The following NLRP5 variants were observed in gnomAD, a reference collection of about 807,000 sequenced individuals.
NLRP5 encodes the protein NACHT, LRR and PYD domains-containing protein 5.
NLRP5 carries 93 observed loss-of-function variants against 113.1 expected under a neutral mutation model. The ratio of observed to expected loss-of-function variants is 0.82; its 90% CI spans 0.70 to 0.98. NLRP5 has a LOEUF of 0.98. Among genes scored for constraint, NLRP5 ranks in the 50% least tolerant of loss-of-function variants. The pLI is 0.00. For synonymous variants in NLRP5, 751 were observed against 600.7 expected (o/e 1.25, Z -3.66); for missense variants, 1,808 against 1,514.3 (o/e 1.19, Z -3.22).
chr19:55,994,967 C>T (rs936101511), upstream of NLRP5, among the ~76,000 whole-genome samples: 1 of 152,094 alleles, frequency 6.6e-6, no homozygotes, highest in Non-Finnish European at 1.5e-5. Flanking sequence ...ATATGGTTAT[C>T]CCGTTTTCGC....
At chr19:56,042,408 A>G (rs1020213327) in intron 11 of NLRP5, among the ~76,000 whole-genome samples, 1 of 152,006 alleles carries the variant, frequency 6.6e-6, no homozygotes, top group Non-Finnish European at 1.5e-5. Flanking sequence ...GCATGGCGCA[A>G]TCTCAGCTCA....
intron 7 of NLRP5, among the ~76,000 whole-genome samples, chr19:56,032,020 G>C (rs575715514): frequency 2.6e-5 from 4 of 151,980 alleles, no homozygotes; most frequent in Non-Finnish European, 5.9e-5. Flanking sequence ...ACAGTTTTAC[G>C]TTCAAGTGGG....
intron 6 of NLRP5, among the ~76,000 whole-genome samples, chr19:56,024,486 T>C (rs1036941034): frequency 2.7e-5 from 4 of 147,200 alleles, no homozygotes; most frequent in South Asian, 2.1e-4. Context: ...TATACGTACA[T>C]GCGTATATAC....
intron 11 of NLRP5, among the ~76,000 whole-genome samples, chr19:56,043,210 T>C (rs1983584383): frequency 6.6e-6 from 1 of 152,214 alleles, no homozygotes; most frequent in African/African-American, 2.4e-5. Context: ...TGTACTAGTT[T>C]ACTTTCCCAC....
At chr19:56,057,634 CCTTT>C (rs1984205862) in intron 13 of NLRP5, among the ~76,000 whole-genome samples, 1 of 152,164 alleles carries the variant, frequency 6.6e-6, no homozygotes. Flanking sequence ...GCACTCTCAG[CCTTT>C]CTTTCATTGT....
Position 56,058,413 on chromosome 19 carries a change from A to T in NLRP5, c.3470+3A>T. The T allele has an allele frequency of 6.2e-7, 1 of 1,608,710 alleles. No homozygotes were observed. Among genetic ancestry groups the T allele is most frequent in the Non-Finnish European group, 8.5e-7 (1 of 1,177,138 alleles). On this transcript the variant is annotated splice_donor_region_variant and intron_variant, in intron 14 of 14. Coordinates refer to ENST00000390649, the MANE Select transcript of NLRP5 (RefSeq NM_153447.4). ...ACGTCTAACTTACAGATAATTGGGT[A>T]AGTCGCCAGCAATTGTCTTCTGAGA...
the NLRP5 span, among the ~76,000 whole-genome samples, chr19:55,987,461 T>C: frequency 6.6e-6 from 1 of 152,154 alleles, no homozygotes; most frequent in Non-Finnish European, 1.5e-5. Flanking sequence ...GTCCAGAGGG[T>C]GTTTTGGTGC....
rs113539646 is a variant in NLRP5 at position 56,046,634 on chromosome 19, G to A, written c.2958-3784G>A. 3.3e-5 allele frequency among the ~76,000 whole-genome samples: 5 copies of A among 152,014 alleles called. No homozygotes were observed. The East Asian group carries it at 5.8e-4, about 18-fold the overall frequency. On this transcript the variant is annotated intron_variant, in intron 11 of 14. Transcript: ENST00000390649. ...CGGCTCACTGCAAGCTCTGCCTCCCGGGTTCACACCATTCTCCTGCCTCAG... is the reference window on the plus strand; with the variant it reads ...CGGCTCACTGCAAGCTCTGCCTCCCAGGTTCACACCATTCTCCTGCCTCAG...
the NLRP5 span, among the ~76,000 whole-genome samples, chr19:55,993,870 G>A: frequency 6.3e-4 from 95 of 151,472 alleles, no homozygotes; most frequent in African/African-American, 2.2e-3. Flanking sequence ...TGTATACCAC[G>A]TTTTCTTGAT....
At chr19:56,055,601 A>G (rs868711940) in intron 13 of NLRP5, among the ~76,000 whole-genome samples, 46 of 120,514 alleles carry the variant, frequency 3.8e-4, no homozygotes, top group Admixed American at 7.9e-4. Flanking sequence ...GCTGGAGTGC[A>G]GTGGCGCGAT....
chr19:55,998,714 G>GTGTGTATATATATATATGTGTATA (rs796632835), upstream of NLRP5, among the ~76,000 whole-genome samples: 2 of 76,006 alleles, frequency 2.6e-5, no homozygotes, highest in East Asian at 8.6e-4. Flanking sequence ...GTGTGTGTGT[G>GTGTGTATATATATATATGTGTATA]TATATATATA....
At chr19:56,009,126 G>A (rs1276420791) in intron 3 of NLRP5, among the ~76,000 whole-genome samples, 1 of 151,818 alleles carries the variant, frequency 6.6e-6, no homozygotes, top group Non-Finnish European at 1.5e-5. Context: ...ATCACCTGAG[G>A]TCAGGAGTTC....
the NLRP5 span, among the ~76,000 whole-genome samples, chr19:55,990,591 C>A: frequency 6.6e-6 from 1 of 151,960 alleles, no homozygotes; most frequent in African/African-American, 2.4e-5. Context: ...CTTTGGGAGG[C>A]CCAGGCGGGT....
At chr19:56,024,178 C>G (rs1982722609) in intron 6 of NLRP5, among the ~76,000 whole-genome samples, 1 of 151,328 alleles carries the variant, frequency 6.6e-6, no homozygotes, top group African/African-American at 2.4e-5. Context: ...TTTTCAGGCC[C>G]TGTGCTAATG....
chr19:56,002,339 C>G (rs1052402152), intron 1 of NLRP5, among the ~76,000 whole-genome samples: 2 of 152,086 alleles, frequency 1.3e-5, no homozygotes, highest in Middle Eastern at 3.2e-3. Context: ...TATTTTTACA[C>G]CAAAACTGTT....
At position 56,045,334 on chromosome 19, in the gene NLRP5, G is replaced by C. The variant is rs918854823; in HGVS notation, c.2957+4242G>C. 2.0e-5 allele frequency among the ~76,000 whole-genome samples: 3 copies of C among 152,316 alleles called. No individual in the cohort carries two copies. The South Asian group carries it at 6.2e-4, about 32-fold the overall frequency. On this transcript the variant is annotated intron_variant, in intron 11 of 14. Transcript: ENST00000390649. ...GAACAGGCTAAGTGTGAGCAACAAG[G>C]CTGTGTATTCACTTGGGTGTGAGCG...
At chr19:56,041,146 G>C in intron 11 of NLRP5, 54 bp downstream of exon 11, 1 of 1,572,628 alleles carries the variant, frequency 6.4e-7, no homozygotes, top group South Asian at 1.1e-5. Context: ...ACATAGCATG[G>C]TGTAGCTCTC....
intron 3 of NLRP5, among the ~76,000 whole-genome samples, chr19:56,013,596 G>GTTTTTTTTGTTTTTTTTTTTTTTTTTTT (rs1982287601): frequency 1.7e-5 from 1 of 59,284 alleles, no homozygotes; most frequent in Non-Finnish European, 2.9e-5. Flanking sequence ...GGACATTTGG[G>GTTTTTTTTGTTTTTTTTTTTTTTTTTTT]TTTTTTTTTT....
chr19:56,006,365 G>C, intron 2 of NLRP5, among the ~76,000 whole-genome samples: 1 of 152,158 alleles, frequency 6.6e-6, no homozygotes, highest in South Asian at 2.1e-4. Flanking sequence ...CATAGCACAT[G>C]TATACATATG....
Sources: gnomAD v4.1 joint callset for allele counts (sites outside exome capture counted in the v4.1 genomes callset) on GRCh38, gnomAD v4.1.1 for gene constraint, MANE v1.5 for transcripts, NCBI Gene and HGNC (gene_info 2026-07-23, HGNC 2026-07-21) for gene names.